The following ARHGAP22 variants were observed in gnomAD, a reference collection of about 807,000 sequenced individuals.
The protein encoded by ARHGAP22 is rho GTPase-activating protein 22.
A neutral mutation model predicts 59.1 loss-of-function variants in ARHGAP22; 48 were observed. The ratio of observed to expected loss-of-function variants is 0.81; its 90% CI spans 0.64 to 1.03. The LOEUF (loss-of-function observed/expected upper bound fraction) is 1.03, where lower values mean the gene tolerates loss of function less well. ARHGAP22 is among the 50% of genes least tolerant of loss of function. The probability of loss-of-function intolerance (pLI) is 0.00; values close to 1 mark genes in which losing one functional copy is unlikely to be tolerated. For missense variants in ARHGAP22, 1,015 were observed against 958.7 expected (o/e 1.06, Z -0.78); for synonymous variants, 445 against 416.4 (o/e 1.07, Z -0.84).
At chr10:48,554,370 G>GGGAGA (rs2057138542) in intron 3 of ARHGAP22, among the ~76,000 whole-genome samples, 1 of 152,184 alleles carries the variant, frequency 6.6e-6, no homozygotes, top group Non-Finnish European at 1.5e-5. Flanking sequence ...GGTGGCTGGG[G>GGGAGA]TGGCTTTACT....
chr10:48,562,203 G>A (rs1364175429), intron 2 of ARHGAP22, among the ~76,000 whole-genome samples: 3 of 149,394 alleles, frequency 2.0e-5, no homozygotes, highest in African/African-American at 7.5e-5. Context: ...TCCAGCCTGG[G>A]CAACAGAGCA....
At chr10:48,508,739 G>A (rs182666054) in intron 3 of ARHGAP22, among the ~76,000 whole-genome samples, 1 of 152,376 alleles carries the variant, frequency 6.6e-6, no homozygotes, top group Admixed American at 6.5e-5. Context: ...AGGGCCTGAG[G>A]GTAAATTGTA....
At chr10:48,643,760 A>AT (rs1413615446) in intron 1 of ARHGAP22, among the ~76,000 whole-genome samples, 74 of 141,336 alleles carry the variant, frequency 5.2e-4, no homozygotes, top group African/African-American at 1.1e-3. Context: ...ATTAAAAAAA[A>AT]AAAAATATAT....
intron 1 of ARHGAP22, among the ~76,000 whole-genome samples, chr10:48,592,295 C>G (rs185839340): frequency 5.0e-4 from 76 of 152,300 alleles, no homozygotes; most frequent in African/African-American, 1.7e-3. Context: ...CTACGGGTAT[C>G]TGTCACCGCA....
intron 5 of ARHGAP22, among the ~76,000 whole-genome samples, chr10:48,457,211 C>T (rs1157816711): frequency 6.6e-6 from 1 of 152,130 alleles, no homozygotes; most frequent in Admixed American, 6.5e-5. Context: ...GCAGAACACG[C>T]CATGCCTCCA....
intron 3 of ARHGAP22, among the ~76,000 whole-genome samples, chr10:48,495,348 A>C (rs536341361): frequency 1.3e-5 from 2 of 152,308 alleles, no homozygotes; most frequent in South Asian, 4.1e-4. Flanking sequence ...ATGTCCTCAC[A>C]ACCACCTGAT....
chr10:48,655,269 G>C (rs2062774372), upstream of ARHGAP22, among the ~76,000 whole-genome samples: 1 of 141,266 alleles, frequency 7.1e-6, no homozygotes, highest in Non-Finnish European at 1.5e-5. Flanking sequence ...GGGGGGGGGG[G>C]GGCGGGGGAC....
At chr10:48,477,995 A>G (rs1260890036) in intron 4 of ARHGAP22, among the ~76,000 whole-genome samples, 1 of 152,186 alleles carries the variant, frequency 6.6e-6, no homozygotes, top group Non-Finnish European at 1.5e-5. Flanking sequence ...CAACAATTTC[A>G]TAATAGATTA....
intron 1 of ARHGAP22, among the ~76,000 whole-genome samples, chr10:48,591,400 A>G (rs1331653248): frequency 6.6e-6 from 1 of 152,208 alleles, no homozygotes; most frequent in Non-Finnish European, 1.5e-5. Flanking sequence ...CTCATCCAGG[A>G]GGGATCCTTC....
intron 2 of ARHGAP22, among the ~76,000 whole-genome samples, chr10:48,573,158 T>C (rs538988599): frequency 1.3e-5 from 2 of 152,310 alleles, no homozygotes; most frequent in East Asian, 3.9e-4. Context: ...CGCCTGCCCC[T>C]AGACTCCACT....
chr10:48,435,214 C>T, the ARHGAP22 span: 1 of 468,342 alleles, frequency 2.1e-6, no homozygotes. Flanking sequence ...AGTTGTGTTT[C>T]AAAACAGCAA....
At chr10:48,635,444 C>T (rs1264513489) in intron 1 of ARHGAP22, among the ~76,000 whole-genome samples, 1 of 152,224 alleles carries the variant, frequency 6.6e-6, no homozygotes, top group Non-Finnish European at 1.5e-5. Flanking sequence ...TTAGGTGAGC[C>T]CACTGATGGC....
intron 2 of ARHGAP22, among the ~76,000 whole-genome samples, chr10:48,568,880 G>A (rs2058222772): frequency 1.3e-5 from 2 of 152,212 alleles, no homozygotes; most frequent in Admixed American, 6.5e-5. Context: ...GTTTTCCAGG[G>A]TTGCACAGTG....
At chr10:48,504,254 C>T (rs1220134957) in intron 3 of ARHGAP22, among the ~76,000 whole-genome samples, 2 of 152,216 alleles carry the variant, frequency 1.3e-5, no homozygotes, top group East Asian at 3.8e-4. Flanking sequence ...CCCCACTCTC[C>T]AGAGGGCTGG....
chr10:48,598,502 C>G (rs1377167665), intron 1 of ARHGAP22, among the ~76,000 whole-genome samples: 1 of 152,102 alleles, frequency 6.6e-6, no homozygotes, highest in Non-Finnish European at 1.5e-5. Flanking sequence ...AGGAACCCAG[C>G]TCTCCATAGA....
At position 48,450,592 on chromosome 10, in the gene ARHGAP22, A is replaced by G. The variant is rs2045826665; in HGVS notation, c.1537T>C (p.Ser513Pro). The G allele has an allele frequency of 6.5e-7, 1 of 1,544,700 alleles. No homozygotes were observed. The change falls in exon 9 of 10, where the codon TCC becomes CCC. Residue 513 changes from serine to proline, a missense_variant. Transcript: ENST00000249601. ...GACGACTCGCTGGACGAGGCCCCGG[A>G]CCACGCCATACTGGCCACGCTGGGT... is the stretch of plus-strand genomic sequence containing the variant. The part of the protein sequence containing the change: ...GIPSVASMAW[S>P]GASSSESSVG...
chr10:48,477,513 T>C (rs951213338), intron 4 of ARHGAP22, among the ~76,000 whole-genome samples: 1 of 152,254 alleles, frequency 6.6e-6, no homozygotes, highest in African/African-American at 2.4e-5. Flanking sequence ...CACATTTCTA[T>C]GTAGGACATG....
At position 48,626,060 on chromosome 10, in the gene ARHGAP22, T is replaced by A. The variant is rs1438299585; in HGVS notation, c.52+26174A>T. ...TTCTTTGGTAGACTGACTGTAAAAG[T>A]CTCCATGAGAGACATGTGGTCCCAT... On this transcript the variant is annotated intron_variant, in intron 1 of 9. Coordinates refer to the ARHGAP22 transcript ENST00000435790. 3.3e-5 allele frequency among the ~76,000 whole-genome samples: 5 copies of A among 152,030 alleles called. No homozygotes were observed. In the South Asian group the frequency reaches 1.0e-3, roughly 32 times the overall value.
intron 1 of ARHGAP22, among the ~76,000 whole-genome samples, chr10:48,600,389 G>A (rs2060311648): frequency 6.6e-6 from 1 of 152,154 alleles, no homozygotes. Context: ...GAAGACACAG[G>A]AGAAAACTTT....
Sources: allele counts gnomAD v4.1 joint callset (sites outside exome capture counted in the v4.1 genomes callset), GRCh38; gene constraint gnomAD v4.1.1; transcripts MANE v1.5; gene names NCBI Gene and HGNC (gene_info 2026-07-23, HGNC 2026-07-21).